Variants in NALF2 observed in about 807,000 individuals in gnomAD.
NALF2 encodes the protein bB57D9.1 (TED protein).
NALF2 carries 1 observed loss-of-function variant against 24.8 expected under a neutral mutation model. That is an observed-to-expected ratio of 0.04 (90% CI 0.01 to 0.19). The LOEUF (loss-of-function observed/expected upper bound fraction) is 0.19, where lower values mean the gene tolerates loss of function less well. Among genes scored for constraint, NALF2 ranks in the 10% least tolerant of loss-of-function variants. The pLI is 1.00. For missense variants in NALF2, 458 were observed against 409.6 expected, an observed-to-expected ratio of 1.12 and a Z score of -1.02; for synonymous variants, 254 against 189.8, an observed-to-expected ratio of 1.34 and a Z score of -2.78.
At chrX:69,510,312 C>T (rs769309236) in intron 1 of NALF2, among the ~76,000 whole-genome samples, 7 of 112,315 alleles carry the variant, frequency 6.2e-5, no homozygotes, top group East Asian at 5.7e-4. Context: ...CCAGAGCCAG[C>T]GCCTTGCCTT....
rs1930450113 is a variant in NALF2 at position 69,505,485 on chromosome X, G to A, written c.203G>A (p.Arg68Gln). The A allele has an allele frequency of 8.3e-6, 9 of 1,089,898 alleles. No homozygotes were observed. In the South Asian group the frequency reaches 2.0e-4, roughly 25 times the overall value. The allele number at this position is 1,089,898 out of a possible 1,213,427, so 89.8% of individuals were successfully genotyped here. ...ADHLWLCAGARPRARELSSAM... is the reference protein window; with the variant it reads ...ADHLWLCAGAQPRARELSSAM... ...CATCTGTGGCTGTGCGCGGGGGCCC[G>A]GCCCCGGGCCAGGGAGCTGAGCAGC... Residue 68 changes from arginine to glutamine, a missense_variant, in exon 1 of 3, where the codon CGG becomes CAG. Transcript: ENST00000252338.
Position 69,531,738 on chromosome X carries a change from T to TTACA in NALF2, c.*1783_*1786dup, listed in dbSNP as rs1334092323. 3.7e-4 allele frequency: 41 copies of TTACA among 111,683 alleles called. No individual in the cohort carries two copies. Among genetic ancestry groups the TTACA allele is most frequent in the African/African-American group, 1.3e-3 (40 of 30,590 alleles). 9.2% of individuals were successfully genotyped at this position (111,683 alleles called of 1,213,427 possible). A position where few individuals can be genotyped will look rare whatever the true frequency, so the allele number is the denominator to read the frequency against. On this transcript the variant is annotated 3_prime_UTR_variant, in exon 3 of 3. Coordinates refer to ENST00000252338, the MANE Select transcript of NALF2 (RefSeq NM_015686.3). ...CCTTCCCTGCCAGTTTTCTCATTTA[T>TTACA]TACAGCCTATCCCCCAACCCTACCC...
At position 69,521,566 on chromosome X, in the gene NALF2, C is replaced by T. The variant is rs139629100; in HGVS notation, c.862-7427C>T. Among the ~76,000 whole-genome samples the T allele has an allele frequency of 1.2e-3, 140 of 112,360 alleles. 1 individual carries two copies. In the East Asian group the frequency reaches 0.026, roughly 21 times the overall value. Reference sequence around the variant, plus strand: ...ACCTCAAACGTGCTCAGAACACTTACATTAGCCTACAATTAGGCAAAATCA... The same window carrying T: ...ACCTCAAACGTGCTCAGAACACTTATATTAGCCTACAATTAGGCAAAATCA... On this transcript the variant is annotated intron_variant, in intron 1 of 2. Transcript: ENST00000252338.
intron 1 of NALF2, among the ~76,000 whole-genome samples, chrX:69,510,682 C>A (rs1423426138): frequency 1.8e-5 from 2 of 111,838 alleles, no homozygotes; most frequent in African/African-American, 6.5e-5. Context: ...CATGGCAAAG[C>A]CTGCCCTTGG....
intron 1 of NALF2, among the ~76,000 whole-genome samples, chrX:69,516,093 A>C (rs1000886995): frequency 3.6e-5 from 4 of 112,185 alleles, no homozygotes; most frequent in Non-Finnish European, 7.5e-5. Context: ...ATTTACTGAA[A>C]AGTAAGGGTA....
At chrX:69,510,291 G>A (rs1930562352) in intron 1 of NALF2, among the ~76,000 whole-genome samples, 1 of 112,206 alleles carries the variant, frequency 8.9e-6, no homozygotes, top group Non-Finnish European at 1.9e-5. Context: ...AAGAGAGGGG[G>A]TGGGGGGCTG....
At chrX:69,525,655 G>A (rs748145857) in intron 1 of NALF2, among the ~76,000 whole-genome samples, 5 of 108,119 alleles carry the variant, frequency 4.6e-5, no homozygotes, top group South Asian at 8.4e-4. Flanking sequence ...TAACAGCTCC[G>A]CTTACCCCTA....
At chrX:69,506,180 G>A (rs1176882885) in intron 1 of NALF2, 37 bp downstream of exon 1, 4 of 1,179,063 alleles carry the variant, frequency 3.4e-6, no homozygotes, top group Non-Finnish European at 4.5e-6. Flanking sequence ...CAGCCGCCCT[G>A]GGCAGCGGCA....
chrX:69,528,388 T>A (rs6525309), intron 1 of NALF2, among the ~76,000 whole-genome samples: 5 of 110,497 alleles, frequency 4.5e-5, no homozygotes, highest in Non-Finnish European at 3.8e-5. Context: ...GGCACATGTG[T>A]TGCCTGGTAA....
Position 69,506,137 on chromosome X carries a change from C to T in NALF2, c.855C>T (p.Gly285=). 1 of 1,204,872 alleles carries T rather than the reference C, an allele frequency of 8.3e-7. No individual in the cohort carries two copies. Among genetic ancestry groups the T allele is most frequent in the Non-Finnish European group, 1.1e-6 (1 of 891,942 alleles). The change falls in exon 1 of 3, where the codon GGC becomes GGT. Residue 285 remains glycine, a synonymous_variant. Coordinates refer to ENST00000252338, the MANE Select transcript of NALF2 (RefSeq NM_015686.3). ...EEYSIRSCTK[G]CKAVYKAWLC... Reference sequence around the variant, plus strand: ...ACTCAATCCGGTCCTGCACGAAAGGCTGTAAGGTAAGGACTGGCTTCCGCA... The same window carrying T: ...ACTCAATCCGGTCCTGCACGAAAGGTTGTAAGGTAAGGACTGGCTTCCGCA...
chrX:69,506,817 G>A (rs1031893182), intron 1 of NALF2, among the ~76,000 whole-genome samples: 1 of 112,663 alleles, frequency 8.9e-6, no homozygotes, highest in African/African-American at 3.2e-5. Context: ...GCCACTGAAG[G>A]TTAGTGCATT....
At chrX:69,509,979 C>T (rs1452460363) in intron 1 of NALF2, among the ~76,000 whole-genome samples, 2 of 111,607 alleles carry the variant, frequency 1.8e-5, no homozygotes, top group Non-Finnish European at 3.8e-5. Flanking sequence ...TGAGAAGAGT[C>T]TTTACAGTAC....
Position 69,530,746 on chromosome X carries a change from C to A in NALF2, c.*790C>A, listed in dbSNP as rs1424132183. ...GTTGAGGTAGGCTCGAGAACTGCTC[C>A]CCAAATCAGTGAGAATTGCATTAGG... is the stretch of plus-strand genomic sequence containing the variant. On this transcript the variant is annotated 3_prime_UTR_variant, in exon 3 of 3. Coordinates refer to ENST00000252338, the MANE Select transcript of NALF2 (RefSeq NM_015686.3). 8.9e-6 allele frequency: 1 copy of A among 112,461 alleles called. No individual in the cohort carries two copies. The highest frequency in any genetic ancestry group is 1.9e-5 in the Non-Finnish European group (1 of 53,173). The allele number at this position is 112,461 out of a possible 1,213,427, so 9.3% of individuals were successfully genotyped here.
Position 69,532,322 on chromosome X carries a change from T to G in NALF2, c.*2366T>G, listed in dbSNP as rs778282200. ...AGTCTCCAAACTGGTTTCCTAGTAG[T>G]CCCCCATCCCTTCCTCCCTTACCCA... On this transcript the variant is annotated 3_prime_UTR_variant, in exon 3 of 3. Coordinates refer to ENST00000252338, the MANE Select transcript of NALF2 (RefSeq NM_015686.3). The G allele has an allele frequency of 3.6e-5, 4 of 112,106 alleles. No homozygotes were observed. The highest frequency in any genetic ancestry group is 2.8e-4 in the Admixed American group (3 of 10,599). 9.2% of individuals were successfully genotyped at this position (112,106 alleles called of 1,213,427 possible). A position where few individuals can be genotyped will look rare whatever the true frequency, so the allele number is the denominator to read the frequency against.
rs1440771806 is a variant in NALF2, at chrX:69,529,713, CCACTACCACCAACAGTACCAT to C, written c.1187_1207del (p.Gln396_His402del). 2 of 1,208,038 alleles carry C rather than the reference CCACTACCACCAACAGTACCAT, an allele frequency of 1.7e-6. No homozygotes were observed. The highest frequency in any genetic ancestry group is 2.2e-6 in the Non-Finnish European group (2 of 892,767). On this transcript the variant is annotated inframe_deletion, in exon 3 of 3. Transcript: ENST00000252338. The stretch of plus-strand genomic sequence containing the variant: ...AGCAATTCCACCACTCCTATTTCCA[CCACTACCACCAACAGTACCAT>C]CACTACCACCCCCATCATGATCCCC...
intron 1 of NALF2, among the ~76,000 whole-genome samples, chrX:69,521,440 G>A (rs1003993075): frequency 2.7e-5 from 3 of 110,925 alleles, no homozygotes; most frequent in Non-Finnish European, 5.7e-5. Flanking sequence ...GACTTACAAT[G>A]GGGTTACACC....
At chrX:69,506,258 G>C in intron 1 of NALF2, 115 bp downstream of exon 1, 1 of 828,863 alleles carries the variant, frequency 1.2e-6, no homozygotes, top group Non-Finnish European at 1.7e-6. Context: ...CTCCCACCGT[G>C]CCCAGTGCAG....
intron 1 of NALF2, among the ~76,000 whole-genome samples, chrX:69,517,856 A>G (rs1397314916): frequency 2.7e-5 from 3 of 112,958 alleles, no homozygotes; most frequent in African/African-American, 9.6e-5. Context: ...CCAGCCTCTC[A>G]TCTTTCTGGC....
intron 2 of NALF2, 39 bp downstream of exon 2, chrX:69,529,203 G>A: frequency 8.5e-7 from 1 of 1,173,286 alleles, no homozygotes; most frequent in Non-Finnish European, 1.1e-6. Context: ...GGAGGCCGGG[G>A]GCCCAGGGCA....
Sources: allele counts gnomAD v4.1 joint callset (sites outside exome capture counted in the v4.1 genomes callset), GRCh38; gene constraint gnomAD v4.1.1; transcripts MANE v1.5; gene names NCBI Gene and HGNC (gene_info 2026-07-23, HGNC 2026-07-21).